Variants in RASGRP2 observed in about 807,000 individuals in gnomAD.
The protein encoded by RASGRP2 is RAS guanyl releasing protein 2, also known as RAS guanyl-releasing protein 2.
RASGRP2 carries 44 observed loss-of-function variants against 71.0 expected under a neutral mutation model. That is an observed-to-expected ratio of 0.62 (90% CI 0.49 to 0.80). RASGRP2 has a LOEUF of 0.80. RASGRP2 is among the 30% of genes least tolerant of loss of function. The probability of loss-of-function intolerance (pLI) is 0.00; values close to 1 mark genes in which losing one functional copy is unlikely to be tolerated. For synonymous variants in RASGRP2, 350 were observed against 330.7 expected (o/e 1.06, Z -0.63); for missense variants, 663 against 813.4 (o/e 0.82, Z 2.25).
At chr11:64,729,499 GCTA>G (rs1045706692) in intron 14 of RASGRP2, among the ~76,000 whole-genome samples, 1 of 152,092 alleles carries the variant, frequency 6.6e-6, no homozygotes, top group African/African-American at 2.4e-5. Context: ...ACCACGCCCA[GCTA>G]CTTTTTGTAT....
chr11:64,736,828 G>A lies in RASGRP2; in HGVS notation c.1020C>T (p.Ile340=), dbSNP rs147287905. The change falls in exon 9 of 17, where the codon ATC becomes ATT. Residue 340 remains isoleucine, a synonymous_variant. Transcript: ENST00000394432. ...TGGTCACCATGGCCAGCTCCTCCAG[G>A]ATGCTAAAGAGCTGCTTCATCTTGG... ...NGAKMKQLFS[I]LEELAMVTSL... The A allele has an allele frequency of 6.2e-7, 1 of 1,612,618 alleles. No individual in the cohort carries two copies. The highest frequency in any genetic ancestry group is 8.5e-7 in the Non-Finnish European group (1 of 1,179,890).
rs1353588765 is a variant in RASGRP2, at chr11:64,729,636, C to T, written c.1591+126G>A. On this transcript the variant is annotated intron_variant, in intron 14 of 16. Transcript: ENST00000394432. ...ACAGGCTTGAGCCACCATGCCCGGC[C>T]ATGCGCCTCTGATTTTAAGGTACTT... 7 of 1,208,196 alleles carry T rather than the reference C, an allele frequency of 5.8e-6. No homozygotes were observed. In the African/African-American group the frequency reaches 9.0e-5, roughly 16 times the overall value. 74.8% of individuals were successfully genotyped at this position (1,208,196 alleles called of 1,614,324 possible).
chr11:64,729,015 C>A lies in RASGRP2; in HGVS notation c.1619G>T (p.Cys540Phe). 1 of 1,603,446 alleles carries A rather than the reference C, an allele frequency of 6.2e-7. No homozygotes were observed. The highest frequency in any genetic ancestry group is 2.2e-5 in the East Asian group (1 of 44,760). The change falls in exon 15 of 17, where the codon TGC becomes TTC. Residue 540 changes from cysteine (C) to phenylalanine (F), a missense_variant. Cys to Phe is a radical substitution (Grantham distance 205). Coordinates refer to ENST00000394432, the MANE Select transcript of RASGRP2 (RefSeq NM_001098671.2). ...RACGVNCHKQCKDRLSVECRR... is the reference protein window; with the variant it reads ...RACGVNCHKQFKDRLSVECRR... The stretch of plus-strand genomic sequence containing the variant: ...ACACTCAACTGACAGGCGATCCTTG[C>A]ACTGCTTGTGGCAGTTCACTCCACA...
In RASGRP2 at chr11:64,735,515, C is replaced by T. The variant is rs755468856; in HGVS notation, c.1296+27G>A. On this transcript the variant is annotated intron_variant, in intron 11 of 16. Coordinates refer to ENST00000394432, the MANE Select transcript of RASGRP2 (RefSeq NM_001098671.2). The surrounding 1 kb of genome is among the most constrained non-coding windows in gnomAD (Gnocchi z 4.2). ...TCCGGCAAACTGGCCTCTCCCCACA[C>T]ACTGCTCAGGCTCCGCAGGAGCTCA... The T allele has an allele frequency of 2.5e-6, 4 of 1,613,678 alleles. No homozygotes were observed. Among genetic ancestry groups the T allele is most frequent in the East Asian group, 2.2e-5 (1 of 44,872 alleles).
At chr11:64,736,078 C>T in intron 9 of RASGRP2, 98 bp from the exon 10 acceptor site, 1 of 933,130 alleles carries the variant, frequency 1.1e-6, no homozygotes, top group South Asian at 1.3e-5. Flanking sequence ...CAGCTCAGAG[C>T]TCGGGTCAGA....
intron 12 of RASGRP2, 150 bp downstream of exon 12, chr11:64,734,962 C>T (rs1399393155): frequency 1.5e-6 from 1 of 689,194 alleles, no homozygotes; most frequent in African/African-American, 1.8e-5. Context: ...CTCTCCTCCC[C>T]ACAAAAGCAA....
chr11:64,729,342 TTG>T (rs1491578960), intron 14 of RASGRP2, among the ~76,000 whole-genome samples: 32 of 10,428 alleles, frequency 3.1e-3, no homozygotes, highest in African/African-American at 3.4e-3. Context: ...GGTTTTTTTG[TTG>T]TTTTTTTTTT....
intron 9 of RASGRP2, among the ~76,000 whole-genome samples, chr11:64,736,365 T>A (rs2057938488): frequency 6.6e-6 from 1 of 150,706 alleles, no homozygotes; most frequent in African/African-American, 2.4e-5. Context: ...AGAACCCAAC[T>A]CCCACCCTAG....
At chr11:64,727,161 G>T in intron 16 of RASGRP2, 30 bp from the exon 17 acceptor site, 1 of 719,498 alleles carries the variant, frequency 1.4e-6, no homozygotes, top group Non-Finnish European at 2.5e-6. Flanking sequence ...TTGTGAGGAA[G>T]ACACCCCCCT....
chr11:64,727,452 C>CTT, intron 15 of RASGRP2, 92 bp from the exon 16 acceptor site: 1 of 1,180,892 alleles, frequency 8.5e-7, no homozygotes, highest in Non-Finnish European at 1.3e-6. Context: ...CCACATCATC[C>CTT]CAGAAGCAGA....
Position 64,739,313 on chromosome 11 carries a change from G to A in RASGRP2, c.813+47C>T, listed in dbSNP as rs776753794. ...CCCCCAGTGCTGCTGGGAGGACCCA[G>A]TGAAGACAGACCTGGGAAGCACCGG... On this transcript the variant is annotated intron_variant, in intron 8 of 16. Transcript: ENST00000394432. The surrounding 1 kb of genome is among the most constrained non-coding windows in gnomAD (Gnocchi z 4.2). 1 of 1,462,546 alleles carries A rather than the reference G, an allele frequency of 6.8e-7. No homozygotes were observed. Among genetic ancestry groups the A allele is most frequent in the East Asian group, 2.3e-5 (1 of 44,214 alleles). The allele number at this position is 1,462,546 out of a possible 1,614,324, so 90.6% of individuals were successfully genotyped here.
chr11:64,736,773 C>T lies in RASGRP2; in HGVS notation c.1075G>A (p.Asp359Asn), dbSNP rs1158261949. ...SLRPPVQANP[D>N]LLSLLTVSLD... ...CTCACCGTGAGCAGGCTCAGCAGGT[C>T]GGGGTTGGCCTGTACTGGTGGCCGC... The change falls in exon 9 of 17, where the codon GAC becomes AAC. Residue 359 changes from aspartate to asparagine, a missense_variant. Coordinates refer to ENST00000394432, the MANE Select transcript of RASGRP2 (RefSeq NM_001098671.2). The T allele has an allele frequency of 1.9e-6, 3 of 1,595,672 alleles. No homozygotes were observed. Among genetic ancestry groups the T allele is most frequent in the Non-Finnish European group, 2.6e-6 (3 of 1,171,760 alleles).
In RASGRP2 at chr11:64,735,862, G is replaced by A; in HGVS notation, c.1173+41C>T. 6 of 1,590,882 alleles carry A rather than the reference G, an allele frequency of 3.8e-6. No homozygotes were observed. Among genetic ancestry groups the A allele is most frequent in the Non-Finnish European group, 5.2e-6 (6 of 1,162,450 alleles). On this transcript the variant is annotated intron_variant, in intron 10 of 16. Coordinates refer to ENST00000394432, the MANE Select transcript of RASGRP2 (RefSeq NM_001098671.2). This position sits in a 1 kb window ranked among gnomAD's most constrained non-coding sequence, Gnocchi z 4.2. ...CCATCCTCACATCCTGGGATTCTCA[G>A]GAGGGAAGGGCAGAGTGGAGAGGAG...
chr11:64,732,899 G>T (rs1232693009), intron 12 of RASGRP2, among the ~76,000 whole-genome samples: 1 of 150,488 alleles, frequency 6.6e-6, no homozygotes, highest in Non-Finnish European at 1.5e-5. Flanking sequence ...GCAGTGAGCC[G>T]AGATCACACC....
intron 12 of RASGRP2, among the ~76,000 whole-genome samples, chr11:64,734,316 A>G (rs555708768): frequency 8.6e-5 from 13 of 151,350 alleles, no homozygotes; most frequent in Non-Finnish European, 1.9e-4. Flanking sequence ...TGTCTCAAAA[A>G]TAATAATAAT....
intron 9 of RASGRP2, 50 bp from the exon 10 acceptor site, chr11:64,736,030 A>ATC (rs760838169): frequency 1.2e-5 from 18 of 1,520,070 alleles, no homozygotes; most frequent in Middle Eastern, 1.7e-4. Flanking sequence ...CCACAGCCAC[A>ATC]GAGCCCAGGG....
In RASGRP2 at chr11:64,740,847, G is replaced by C. The variant is rs1165747674; in HGVS notation, c.371+101C>G. 4 of 1,496,352 alleles carry C rather than the reference G, an allele frequency of 2.7e-6. No homozygotes were observed. In the South Asian group the frequency reaches 4.5e-5, roughly 17 times the overall value. The allele number at this position is 1,496,352 out of a possible 1,614,324, so 92.7% of individuals were successfully genotyped here. A position where few individuals can be genotyped will look rare whatever the true frequency, so the allele number is the denominator to read the frequency against. On this transcript the variant is annotated intron_variant, in intron 5 of 16. Transcript: ENST00000394432. ...CCATGGAAGGTTTTTAAGCGAGAGA[G>C]CAACATGACCCTCACTCATTCAGTT...
chr11:64,727,073 C>T lies in RASGRP2; in HGVS notation c.*65G>A, dbSNP rs1196614173. On this transcript the variant is annotated 3_prime_UTR_variant, in exon 17 of 17. Coordinates refer to ENST00000394432, the MANE Select transcript of RASGRP2 (RefSeq NM_001098671.2). ...CCTCCTGCCCCGACACCCCCAGGCT[C>T]CCTGCTCTGGTTGAAGTATTTTCTC... 2 of 451,790 alleles carry T rather than the reference C, an allele frequency of 4.4e-6. No individual in the cohort carries two copies. The highest frequency in any genetic ancestry group is 5.9e-5 in the Admixed American group (2 of 33,846). The allele number at this position is 451,790 out of a possible 1,614,324, so 28.0% of individuals were successfully genotyped here.
At position 64,742,043 on chromosome 11, in the gene RASGRP2, G is replaced by A; in HGVS notation, c.143C>T (p.Pro48Leu). 1 of 1,612,016 alleles carries A rather than the reference G, an allele frequency of 6.2e-7. No homozygotes were observed. The highest frequency in any genetic ancestry group is 8.5e-7 in the Non-Finnish European group (1 of 1,179,008). ...CAGCTTGGCCGCCAGCTGAGAGGAGGGGATGTACCAGGGGTGCATCATGAG... is the reference window on the plus strand; with the variant it reads ...CAGCTTGGCCGCCAGCTGAGAGGAGAGGATGTACCAGGGGTGCATCATGAG... ...MFLMMHPWYIPSSQLAAKLLH... is the reference protein window; with the variant it reads ...MFLMMHPWYILSSQLAAKLLH... The change falls in exon 3 of 17, where the codon CCC becomes CTC. Residue 48 changes from proline to leucine, a missense_variant. Coordinates refer to ENST00000394432, the MANE Select transcript of RASGRP2 (RefSeq NM_001098671.2). The surrounding 1 kb of genome is among the most constrained non-coding windows in gnomAD (Gnocchi z 4.7).
Sources: allele counts gnomAD v4.1 joint callset (sites outside exome capture counted in the v4.1 genomes callset), GRCh38; gene constraint gnomAD v4.1.1; non-coding constraint Gnocchi (gnomAD v3.1); transcripts MANE v1.5; gene names NCBI Gene and HGNC (gene_info 2026-07-23, HGNC 2026-07-21).